Variants in MDGA2 observed in about 807,000 individuals in gnomAD.
MDGA2 encodes the protein MAM domain-containing glycosylphosphatidylinositol anchor protein 2.
MDGA2 carries 40 observed loss-of-function variants against 117.8 expected under a neutral mutation model. The ratio of observed to expected loss-of-function variants is 0.34; its 90% CI spans 0.26 to 0.44. The LOEUF is 0.44. Among genes scored for constraint, MDGA2 ranks in the 20% least tolerant of loss-of-function variants. The probability of loss-of-function intolerance (pLI) is 1.00; values close to 1 mark genes in which losing one functional copy is unlikely to be tolerated. For missense variants in MDGA2, 1,123 were observed against 1,250.6 expected (o/e 0.90, Z 1.54); for synonymous variants, 452 against 439.0 (o/e 1.03, Z -0.37).
intron 1 of MDGA2, among the ~76,000 whole-genome samples, chr14:47,652,690 C>T (rs916414853): frequency 6.6e-6 from 1 of 152,078 alleles, no homozygotes; most frequent in Non-Finnish European, 1.5e-5. Context: ...GTGGATATTG[C>T]ATAAAAAATT....
intron 3 of MDGA2, among the ~76,000 whole-genome samples, chr14:47,174,374 C>G (rs1197172465): frequency 2.0e-5 from 3 of 152,094 alleles, no homozygotes; most frequent in Non-Finnish European, 4.4e-5. Flanking sequence ...CACACCTATT[C>G]CAAAATTGAC....
chr14:47,556,377 C>T (rs1443519175), intron 1 of MDGA2, among the ~76,000 whole-genome samples: 1 of 152,212 alleles, frequency 6.6e-6, no homozygotes, highest in Non-Finnish European at 1.5e-5. Flanking sequence ...CATTCCCACT[C>T]CTGATCCTTT....
At chr14:47,345,747 T>A (rs1269468478) in intron 1 of MDGA2, among the ~76,000 whole-genome samples, 1 of 152,122 alleles carries the variant, frequency 6.6e-6, no homozygotes, top group East Asian at 1.9e-4. Flanking sequence ...ACTGAAATAC[T>A]AGACATTTCA....
Position 47,674,757 on chromosome 14 carries a change from G to A in MDGA2, c.40C>T (p.Arg14Cys). 1.4e-6 allele frequency: 1 copy of A among 710,242 alleles called. No homozygotes were observed. Among genetic ancestry groups the A allele is most frequent in the Non-Finnish European group, 2.5e-6 (1 of 393,304 alleles). 44.0% of individuals were successfully genotyped at this position (710,242 alleles called of 1,614,324 possible). ...CCGTCTGTCCTTCCCCGGCGGCGGC[G>A]GCGAGCGGAGCGCAGGAGCCCCGCA... Reference protein sequence around the residue: ...WSAGLLRSARRRRRGRTDGRR... With the variant: ...WSAGLLRSARCRRRGRTDGRR... Residue 14 changes from arginine to cysteine, a missense_variant, in exon 1 of 17, where the codon CGC becomes TGC. Physicochemically the swap from Arg to Cys is radical, Grantham distance 180 (BLOSUM62 -3). Around this residue, in one of 2 missense-constraint regions of MDGA2, gnomAD observed 233 missense variants for 200.3 expected, o/e 1.16. Transcript: ENST00000399232.
chr14:47,629,933 G>A (rs1229403066), intron 1 of MDGA2, among the ~76,000 whole-genome samples: 1 of 152,128 alleles, frequency 6.6e-6, no homozygotes, highest in Non-Finnish European at 1.5e-5. Flanking sequence ...CTGAGATTCT[G>A]CATGTCCAAT....
At chr14:46,909,291 T>G (rs1347667309) in intron 10 of MDGA2, among the ~76,000 whole-genome samples, 1 of 152,204 alleles carries the variant, frequency 6.6e-6, no homozygotes, top group Non-Finnish European at 1.5e-5. Context: ...TTCAATCAAA[T>G]ATTGCTGTTC....
chr14:46,883,571 T>A (rs2138395671), intron 10 of MDGA2, among the ~76,000 whole-genome samples: 1 of 152,110 alleles, frequency 6.6e-6, no homozygotes, highest in East Asian at 1.9e-4. Flanking sequence ...AACAATAAAG[T>A]GTATAATAAT....
At chr14:47,302,904 T>C (rs1428248655) in intron 1 of MDGA2, among the ~76,000 whole-genome samples, 2 of 152,166 alleles carry the variant, frequency 1.3e-5, no homozygotes, top group African/African-American at 4.8e-5. Flanking sequence ...ATAAAACAAC[T>C]GGTTATGTCC....
chr14:47,534,051 G>A (rs1472180605), intron 1 of MDGA2, among the ~76,000 whole-genome samples: 1 of 152,134 alleles, frequency 6.6e-6, no homozygotes, highest in Non-Finnish European at 1.5e-5. Flanking sequence ...CTGGATATGT[G>A]TAGGGAGCCT....
intron 1 of MDGA2, among the ~76,000 whole-genome samples, chr14:47,333,914 T>A (rs1404214428): frequency 1.3e-5 from 2 of 151,822 alleles, no homozygotes; most frequent in Non-Finnish European, 2.9e-5. Flanking sequence ...TTTCAAGTGA[T>A]AAACAATAAT....
rs1888799959 is a variant in MDGA2, at chr14:47,035,157, C to T, written c.1673G>A (p.Gly558Glu). The change falls in exon 8 of 17, where the codon GGA becomes GAA. Residue 558 changes from glycine to glutamate, a missense_variant. Physicochemically the swap from Gly to Glu is moderately conservative, Grantham distance 98. Transcript: ENST00000399232. ...ATCATAACTCTCCATTTGCATTGAT[C>T]CATCAGGCATTGCAACTTCTTTATC... ...RADKEVAMPD[G>E]SMQMESYDGT... is the part of the protein sequence containing the mutation. 3 of 1,614,116 alleles carry T rather than the reference C, an allele frequency of 1.9e-6. No individual in the cohort carries two copies. The highest frequency in any genetic ancestry group is 2.5e-6 in the Non-Finnish European group (3 of 1,180,012).
At chr14:47,564,713 C>T (rs1895883268) in intron 1 of MDGA2, among the ~76,000 whole-genome samples, 1 of 152,162 alleles carries the variant, frequency 6.6e-6, no homozygotes. Flanking sequence ...ATGTTGTCCA[C>T]ATTGCTTGTT....
chr14:47,005,846 G>C (rs1267150009), intron 8 of MDGA2, among the ~76,000 whole-genome samples: 1 of 151,438 alleles, frequency 6.6e-6, no homozygotes, highest in South Asian at 2.1e-4. Flanking sequence ...AACATTGATT[G>C]TATGTTTTAT....
rs1481680187 is a variant in MDGA2, at chr14:46,956,700, G to C, written c.2089+674C>G. ...CTAATTAAAGCCAGCCAACACTACA[G>C]TATGTCTTATTATTATTGAAACACT... On this transcript the variant is annotated intron_variant, in intron 9 of 16. Coordinates refer to ENST00000399232, the MANE Select transcript of MDGA2 (RefSeq NM_001113498.3). Among the ~76,000 whole-genome samples, 4 of 152,136 alleles carry C rather than the reference G, an allele frequency of 2.6e-5. No homozygotes were observed. In the East Asian group the frequency reaches 7.7e-4, roughly 29 times the overall value.
chr14:47,574,797 C>T (rs1375761670), intron 1 of MDGA2, among the ~76,000 whole-genome samples: 2 of 152,144 alleles, frequency 1.3e-5, no homozygotes, highest in East Asian at 1.9e-4. Flanking sequence ...AAAACTGAGG[C>T]ACTAAAGAGC....
intron 1 of MDGA2, among the ~76,000 whole-genome samples, chr14:47,592,114 C>T (rs537173211): frequency 1.7e-4 from 26 of 152,052 alleles, no homozygotes; most frequent in Admixed American, 1.2e-3. Flanking sequence ...AGCAGAGAGC[C>T]AAATCATGAA....
chr14:47,071,933 T>A (rs1890296250), intron 6 of MDGA2, among the ~76,000 whole-genome samples: 1 of 152,124 alleles, frequency 6.6e-6, no homozygotes, highest in Non-Finnish European at 1.5e-5. Flanking sequence ...GTGAGCTAAC[T>A]ACTGTAACTT....
At chr14:47,454,529 GATT>G (rs980543843) in intron 1 of MDGA2, among the ~76,000 whole-genome samples, 4 of 152,094 alleles carry the variant, frequency 2.6e-5, no homozygotes, top group African/African-American at 7.2e-5. Context: ...ATCAATAAAA[GATT>G]ATTATTCATT....
In MDGA2 at chr14:46,841,891, A is replaced by T. The variant is rs1880626641; in HGVS notation, c.*40T>A. 1.5e-6 allele frequency: 2 copies of T among 1,332,708 alleles called. No homozygotes were observed. Among genetic ancestry groups the T allele is most frequent in the African/African-American group, 2.9e-5 (2 of 68,374 alleles). The allele number at this position is 1,332,708 out of a possible 1,614,324, so 82.6% of individuals were successfully genotyped here. A position where few individuals can be genotyped will look rare whatever the true frequency, so the allele number is the denominator to read the frequency against. ...TTTACAAAGACTCTTTCTTCATGCCAGTGCCTGGTGAATCTTTTATAGCCT... is the reference window on the plus strand; with the variant it reads ...TTTACAAAGACTCTTTCTTCATGCCTGTGCCTGGTGAATCTTTTATAGCCT... On this transcript the variant is annotated 3_prime_UTR_variant, in exon 17 of 17. Transcript: ENST00000399232.
Sources: gnomAD v4.1 joint callset for allele counts (sites outside exome capture counted in the v4.1 genomes callset) on GRCh38, gnomAD v4.1.1 for gene constraint, gnomAD v4.1.1 regional missense constraint, MANE v1.5 for transcripts, NCBI Gene and HGNC (gene_info 2026-07-23, HGNC 2026-07-21) for gene names.